Variants in CCDC78 observed in about 807,000 individuals in gnomAD.
CCDC78 encodes coiled-coil domain containing 78, also known as coiled-coil domain-containing protein 78.
Under a neutral mutation model 61.9 loss-of-function variants are expected in CCDC78, and 78 were observed. The ratio of observed to expected loss-of-function variants is 1.26; its 90% CI spans 1.05 to 1.52. The LOEUF (loss-of-function observed/expected upper bound fraction) is 1.52, where lower values mean the gene tolerates loss of function less well. CCDC78 is among the 40% of genes most tolerant of loss of function. The probability of loss-of-function intolerance (pLI) is 0.00; values close to 1 mark genes in which losing one functional copy is unlikely to be tolerated. For synonymous variants in CCDC78, 287 were observed against 251.9 expected (o/e 1.14, Z -1.32); for missense variants, 737 against 615.5 (o/e 1.20, Z -2.09).
intron 8 of CCDC78, 21 bp downstream of exon 8, chr16:724,660 G>C (rs775875068): frequency 2.4e-5 from 39 of 1,605,516 alleles, no homozygotes; most frequent in Admixed American, 2.0e-4. Flanking sequence ...CTAGGCCTCA[G>C]GGTGCTCCTG....
In CCDC78 at chr16:723,877, C is replaced by CA; in HGVS notation, c.1112_1113insT (p.Gln371HisfsTer48). ...CTCACTGTGGCTCTGATGTTCCCCC[C>CA]TGGGAGGCTCCACCGGGTCTCTTTT... is the stretch of plus-strand genomic sequence containing the variant. On this transcript the variant is annotated frameshift_variant, in exon 11 of 14. Transcript: ENST00000345165. LOFTEE classifies it high-confidence loss of function. 1 of 1,595,860 alleles carries CA rather than the reference C, an allele frequency of 6.3e-7. No homozygotes were observed. Among genetic ancestry groups the CA allele is most frequent in the Non-Finnish European group, 8.5e-7 (1 of 1,171,504 alleles).
At chr16:724,253 C>T in intron 9 of CCDC78, 48 bp from the exon 10 acceptor site, 1 of 1,586,628 alleles carries the variant, frequency 6.3e-7, no homozygotes, top group Non-Finnish European at 8.6e-7. Context: ...TGCTGCACAC[C>T]AAGCCTTTGA....
In CCDC78 at chr16:726,359, G is replaced by T; in HGVS notation, c.9C>A (p.His3Gln). The T allele has an allele frequency of 6.5e-7, 1 of 1,539,832 alleles. No homozygotes were observed. Among genetic ancestry groups the T allele is most frequent in the Non-Finnish European group, 8.7e-7 (1 of 1,145,292 alleles). ...CAGGCCTGGGGCCTGTGGTGGCTGC[G>T]TGCTCCATAGGCTAGGGAACCCTGG... Reference protein sequence around the residue: MEHAATTGPRPGP... With the variant: MEQAATTGPRPGP... Residue 3 changes from histidine to glutamine, a missense_variant, in exon 1 of 14, where the codon CAC (histidine) becomes CAA (glutamine). By Grantham distance (24) the His-to-Gln change is conservative. Transcript: ENST00000345165.
At position 724,316 on chromosome 16, in the gene CCDC78, GC is replaced by G. The variant is rs1196874630; in HGVS notation, c.953+5del. On this transcript the variant is annotated splice_donor_5th_base_variant and intron_variant, in intron 9 of 13. Coordinates refer to ENST00000345165, the MANE Select transcript of CCDC78 (RefSeq NM_001378030.1). ...GCCTGACACCTCCCATCCCAGCGGG[GC>G]CCACCTGTAGGCAACCAGTAGCTCT... is the stretch of plus-strand genomic sequence containing the variant. The G allele has an allele frequency of 2.5e-6, 4 of 1,609,374 alleles. No individual in the cohort carries two copies. The highest frequency in any genetic ancestry group is 3.4e-6 in the Non-Finnish European group (4 of 1,177,458).
Position 725,168 on chromosome 16 carries a change from T to A in CCDC78, c.493-23A>T, listed in dbSNP as rs773184703. On this transcript the variant is annotated intron_variant, in intron 5 of 13. Coordinates refer to ENST00000345165, the MANE Select transcript of CCDC78 (RefSeq NM_001378030.1). ...CAGCTGTGGGGCACACAGGGCTGGC[T>A]GGATGAGACCCTAGGCTTGGGGTCT... 3.7e-6 allele frequency: 6 copies of A among 1,612,574 alleles called. No homozygotes were observed. In the South Asian group the frequency reaches 5.5e-5, roughly 15 times the overall value.
At position 724,171 on chromosome 16, in the gene CCDC78, C is replaced by T. The variant is rs201464619; in HGVS notation, c.988G>A (p.Ala330Thr). 5 of 1,604,628 alleles carry T rather than the reference C, an allele frequency of 3.1e-6. No homozygotes were observed. The highest frequency in any genetic ancestry group is 2.2e-5 in the East Asian group (1 of 44,766). ...PGNPQAIFDIASLDLEPLPVP... is the reference protein window; with the variant it reads ...PGNPQAIFDITSLDLEPLPVP... ...GGCAATGGTTCCAGGTCCAAGCTGGCTATGTCAAAAATAGCTTGGGGGTTC... is the reference window on the plus strand; with the variant it reads ...GGCAATGGTTCCAGGTCCAAGCTGGTTATGTCAAAAATAGCTTGGGGGTTC... Residue 330 changes from alanine (A) to threonine (T), a missense_variant, in exon 10 of 14, where the codon GCC (alanine) becomes ACC (threonine). Coordinates refer to ENST00000345165, the MANE Select transcript of CCDC78 (RefSeq NM_001378030.1).
At chr16:723,513 C>T in intron 11 of CCDC78, 1 of 671,912 alleles carries the variant, frequency 1.5e-6, no homozygotes, top group Non-Finnish European at 2.7e-6. Flanking sequence ...CAGCTGGGAA[C>T]ATGGAGGCCC....
intron 3 of CCDC78, 21 bp downstream of exon 3, chr16:725,773 C>T: frequency 6.3e-7 from 1 of 1,594,920 alleles, no homozygotes; most frequent in Admixed American, 1.7e-5. Flanking sequence ...TGCACTGAGG[C>T]TGGTTCACAC....
In CCDC78 at chr16:723,091, C is replaced by T; in HGVS notation, c.1200+4G>A. 6.2e-7 allele frequency: 1 copy of T among 1,612,748 alleles called. No homozygotes were observed. Among genetic ancestry groups the T allele is most frequent in the Admixed American group, 1.7e-5 (1 of 60,024 alleles). ...ATGGGCCTGGGCCAGCCCTTGCCTC[C>T]TACCTGGGTGCTGCGGGAGAAGTCC... On this transcript the variant is annotated splice_donor_region_variant and intron_variant, in intron 12 of 13. Transcript: ENST00000345165.
chr16:724,540 C>G, intron 8 of CCDC78, 31 bp from the exon 9 acceptor site: 1 of 1,575,102 alleles, frequency 6.3e-7, no homozygotes, highest in Non-Finnish European at 8.6e-7. Context: ...CCGCATGGGG[C>G]CCACCCCCCA....
Position 725,572 on chromosome 16 carries a change from C to T in CCDC78, c.276G>A (p.Arg92=), listed in dbSNP as rs1049397654. 1 of 1,607,904 alleles carries T rather than the reference C, an allele frequency of 6.2e-7. No individual in the cohort carries two copies. Among genetic ancestry groups the T allele is most frequent in the Non-Finnish European group, 8.5e-7 (1 of 1,177,882 alleles). ...CCAGCTCCAGTACCCGGCTCTCCAG[C>T]CGAAGGATCTGTGGGACAACTGGCA... ...EIFQLKSEIL[R]LESRVLELEL... Residue 92 remains arginine, a synonymous_variant, in exon 4 of 14, where the codon CGG becomes CGA. Transcript: ENST00000345165.
rs1010425376 is a variant in CCDC78 at position 724,293 on chromosome 16, C to G, written c.953+29G>C. 4 of 1,602,256 alleles carry G rather than the reference C, an allele frequency of 2.5e-6. No individual in the cohort carries two copies. In the South Asian group the frequency reaches 3.3e-5, roughly 13 times the overall value. ...CAGAGGCTTAGAGACCCACAGATGC[C>G]TGACACCTCCCATCCCAGCGGGGCC... On this transcript the variant is annotated intron_variant, in intron 9 of 13. Transcript: ENST00000345165.
In CCDC78 at chr16:722,950, G is replaced by A. The variant is rs759125788; in HGVS notation, c.1273C>T (p.Gln425Ter). 2 of 1,612,302 alleles carry A rather than the reference G, an allele frequency of 1.2e-6. No individual in the cohort carries two copies. The highest frequency in any genetic ancestry group is 2.2e-5 in the East Asian group (1 of 44,882). The change falls in exon 13 of 14, where the codon CAG becomes TAG. Residue 425 changes from glutamine to a stop codon, truncating the protein, a stop_gained. Transcript: ENST00000345165. LOFTEE classifies it low-confidence loss of function (END_TRUNC). ...TMAEEQLSEL[Q>*]EYVDQHLGRY... ...CCCAGGTGCTGGTCCACGTACTCCTGTAGCTCAGAAAGTTGCTCTTCAGCC... is the reference window on the plus strand; with the variant it reads ...CCCAGGTGCTGGTCCACGTACTCCTATAGCTCAGAAAGTTGCTCTTCAGCC...
chr16:724,272 G>A (rs750138760), intron 9 of CCDC78, 50 bp downstream of exon 9: 2 of 1,596,196 alleles, frequency 1.3e-6, no homozygotes, highest in East Asian at 2.2e-5. Flanking sequence ...GAGGCACAGA[G>A]GCTTAGAGAC....
At chr16:726,454 A>C (rs184561163), upstream of CCDC78, 2,694 of 1,467,662 alleles carry the variant, frequency 1.8e-3, 50 homozygotes, top group African/African-American at 0.034. Flanking sequence ...GGCACTGCTA[A>C]GTGCGTTGCC....
chr16:726,094 G>A lies in CCDC78; in HGVS notation c.61-9C>T. On this transcript the variant is annotated splice_polypyrimidine_tract_variant and intron_variant, in intron 1 of 13. Coordinates refer to ENST00000345165, the MANE Select transcript of CCDC78 (RefSeq NM_001378030.1). ...TTGGCTCGTAGCACAACCTGGGGAG[G>A]TACCGCCACCCATTCCCCAGGTGGG... The A allele has an allele frequency of 1.3e-6, 2 of 1,549,036 alleles. No homozygotes were observed. Among genetic ancestry groups the A allele is most frequent in the Non-Finnish European group, 1.7e-6 (2 of 1,146,648 alleles).
chr16:723,714 T>G (rs1466217609), intron 11 of CCDC78, 143 bp downstream of exon 11: 7 of 756,004 alleles, frequency 9.3e-6, no homozygotes, highest in Non-Finnish European at 1.6e-5. Context: ...GACCCCAGGG[T>G]GGGGATGTGC....
chr16:726,492 C>A (rs902769020), upstream of CCDC78: 13 of 1,238,306 alleles, frequency 1.0e-5, no homozygotes, highest in Admixed American at 2.9e-4. Flanking sequence ...CAGGTGACTC[C>A]CAGGGCACCG....
In CCDC78 at chr16:724,482, G is replaced by T. The variant is rs1419374173; in HGVS notation, c.793C>A (p.Pro265Thr). The change falls in exon 9 of 14, where the codon CCA (proline) becomes ACA (threonine). Residue 265 changes from proline to threonine, a missense_variant. Transcript: ENST00000345165. ...AATGTCCGGAGGGCCGTGGTGGCTG[G>T]CGCTTGGCCTGCACCATCTGCGTGC... is the stretch of plus-strand genomic sequence containing the variant. ...VEHADGAGQA[P>T]ATTALRTFLE... The T allele has an allele frequency of 2.5e-6, 4 of 1,600,148 alleles. No homozygotes were observed. The East Asian group carries it at 8.9e-5, about 36-fold the overall frequency.
Sources: allele counts gnomAD v4.1 joint callset, GRCh38; gene constraint gnomAD v4.1.1; transcripts MANE v1.5; gene names NCBI Gene and HGNC (gene_info 2026-07-23, HGNC 2026-07-21).